CUL7: variants seen among roughly 807,000 people sequenced by gnomAD.
CUL7 encodes the protein cullin-7.
CUL7 carries 96 observed loss-of-function variants against 177.7 expected under a neutral mutation model. That is an observed-to-expected ratio of 0.54 (90% CI 0.46 to 0.64). CUL7 has a LOEUF of 0.64. Among genes scored for constraint, CUL7 ranks in the 30% least tolerant of loss-of-function variants. The probability of loss-of-function intolerance (pLI) is 0.00; values close to 1 mark genes in which losing one functional copy is unlikely to be tolerated. For missense variants in CUL7, 1,893 were observed against 2,187.9 expected, an observed-to-expected ratio of 0.87 and a Z score of 2.69; for synonymous variants, 824 against 890.2, an observed-to-expected ratio of 0.93 and a Z score of 1.32.
chr6:43,041,033 C>G lies in CUL7; in HGVS notation c.3688G>C (p.Gly1230Arg), dbSNP rs746377125. The G allele has an allele frequency of 6.2e-7, 1 of 1,614,018 alleles. No homozygotes were observed. The highest frequency in any genetic ancestry group is 8.5e-7 in the Non-Finnish European group (1 of 1,179,976). Residue 1230 changes from glycine (G) to arginine (R), a missense_variant, in exon 20 of 26, where the codon GGC becomes CGC. Gly to Arg is a moderately radical substitution (Grantham distance 125). Around this residue, in one of 5 missense-constraint regions of CUL7, gnomAD observed 973 missense variants for 1,140.9 expected, o/e 0.85. Transcript: ENST00000265348. ...TCCTGGGCTCCACCGATCCGGCTGC[C>G]CTGGATCTGCTGGTCAATGTGCCGG... ...FARHIDQQIQ[G>R]SRIGGAQEME...
Position 43,048,185 on chromosome 6 carries a change from C to T in CUL7, c.2132G>A (p.Cys711Tyr). 6.2e-7 allele frequency: 1 copy of T among 1,613,012 alleles called. No individual in the cohort carries two copies. Among genetic ancestry groups the T allele is most frequent in the Non-Finnish European group, 8.5e-7 (1 of 1,179,004 alleles). The change falls in exon 9 of 26, where the codon TGC (cysteine) becomes TAC (tyrosine). Residue 711 changes from cysteine to tyrosine, a missense_variant. Physicochemically the swap from Cys to Tyr is radical, Grantham distance 194. Transcript: ENST00000265348. The part of the protein sequence containing the change: ...LLPWHEAVDA[C>Y]MACLRSPNTD... The stretch of plus-strand genomic sequence containing the variant: ...GTTTGGGGACCGCAGGCAGGCCATG[C>T]AGGCATCCACGGCCTCGTGCCAGGG...
At position 43,052,800 on chromosome 6, in the gene CUL7, G is replaced by C; in HGVS notation, c.-8-4C>G. On this transcript the variant is annotated splice_polypyrimidine_tract_variant and splice_region_variant and intron_variant, in intron 1 of 25. Transcript: ENST00000265348. This position sits in a 1 kb window ranked among gnomAD's most constrained non-coding sequence, Gnocchi z 4.5. ...AGTTCTCCCACCATCCTGGCACCTG[G>C]AGCACACAAGGAAAAGAGAACAGAC... 6.2e-7 allele frequency: 1 copy of C among 1,601,448 alleles called. No individual in the cohort carries two copies. The highest frequency in any genetic ancestry group is 8.5e-7 in the Non-Finnish European group (1 of 1,179,728).
At position 43,053,057 on chromosome 6, in the gene CUL7, G is replaced by C. The variant is rs1308208281; in HGVS notation, c.-8-261C>G. ...CCTGTGGCCTGGAGTGGGTTGATAT[G>C]GAACAGTGGGCGGACTAGTGGGGGC... On this transcript the variant is annotated intron_variant, in intron 1 of 25. Transcript: ENST00000265348. This position sits in a 1 kb window ranked among gnomAD's most constrained non-coding sequence, Gnocchi z 4.1. 1.3e-5 allele frequency among the ~76,000 whole-genome samples: 2 copies of C among 152,124 alleles called. No homozygotes were observed. Among genetic ancestry groups the C allele is most frequent in the East Asian group, 3.9e-4 (2 of 5,192 alleles).
Position 43,045,082 on chromosome 6 carries a change from C to T in CUL7, c.3038+145G>A. The T allele has an allele frequency of 7.5e-7, 1 of 1,326,886 alleles. No homozygotes were observed. The highest frequency in any genetic ancestry group is 1.0e-6 in the Non-Finnish European group (1 of 955,590). 82.2% of individuals were successfully genotyped at this position (1,326,886 alleles called of 1,614,324 possible). On this transcript the variant is annotated intron_variant, in intron 15 of 25. Transcript: ENST00000265348. The surrounding 1 kb of genome is among the most constrained non-coding windows in gnomAD (Gnocchi z 4.8). The stretch of plus-strand genomic sequence containing the variant: ...ATCTTTTCTCTTTATCCTTTCTTCC[C>T]CTCCCACAGCTCAGAAAACTCCAGC...
Position 43,050,524 on chromosome 6 carries a change from TAAC to T in CUL7, c.1234-129_1234-127del, listed in dbSNP as rs1764301681. Reference sequence around the variant, plus strand: ...GCCAGGTTTTAGAAAAACCTCCACATAACAAAACAGCAGCATATGGAGAATACA... The same window carrying T: ...GCCAGGTTTTAGAAAAACCTCCACATAAAACAGCAGCATATGGAGAATACA... On this transcript the variant is annotated intron_variant, in intron 4 of 25. Transcript: ENST00000265348. This position sits in a 1 kb window ranked among gnomAD's most constrained non-coding sequence, Gnocchi z 4.1. The T allele has an allele frequency of 2.6e-6, 2 of 764,308 alleles. No homozygotes were observed. Among genetic ancestry groups the T allele is most frequent in the Non-Finnish European group, 4.3e-6 (2 of 463,002 alleles). The allele number at this position is 764,308 out of a possible 1,614,324, so 47.3% of individuals were successfully genotyped here.
chr6:43,049,933 A>G (rs1764257455), intron 6 of CUL7, 30 bp downstream of exon 6: 1 of 1,603,680 alleles, frequency 6.2e-7, no homozygotes, highest in Non-Finnish European at 8.5e-7. Context: ...AGAGCCCTCC[A>G]ACCTCTGAGT....
chr6:43,046,726 G>A, intron 10 of CUL7, 125 bp from the exon 11 acceptor site: 1 of 1,441,930 alleles, frequency 6.9e-7, no homozygotes, highest in Non-Finnish European at 9.6e-7. Context: ...AGCAGAGCAG[G>A]CCCAGATGGG....
Position 43,037,755 on chromosome 6 carries a change from TGTAGG to T in CUL7, c.5025_5029del (p.Leu1676AspfsTer?). The T allele has an allele frequency of 6.3e-7, 1 of 1,583,196 alleles. No individual in the cohort carries two copies. Among genetic ancestry groups the T allele is most frequent in the Admixed American group, 1.8e-5 (1 of 54,504 alleles). ...ATAGGGCACACCCCGGGAGCGAATC[TGTAGG>T]GTATGGAAGGTGAGGGGTGGGTTGG... is the stretch of plus-strand genomic sequence containing the variant. On this transcript the variant is annotated frameshift_variant, in exon 26 of 26. Coordinates refer to ENST00000265348, the MANE Select transcript of CUL7 (RefSeq NM_014780.5). LOFTEE classifies it high-confidence loss of function.
chr6:43,046,190 C>G, intron 12 of CUL7, 46 bp downstream of exon 12: 1 of 1,613,998 alleles, frequency 6.2e-7, no homozygotes, highest in Non-Finnish European at 8.5e-7. Flanking sequence ...AGGGGCGTCA[C>G]AGGAAAGCAC....
chr6:43,041,625 A>G (rs1763419022), intron 19 of CUL7, among the ~76,000 whole-genome samples: 1 of 150,472 alleles, frequency 6.6e-6, no homozygotes, highest in African/African-American at 2.5e-5. Context: ...AAGAGAAAGA[A>G]AGGGAGAGAA....
In CUL7 at chr6:43,042,891, G is replaced by T. The variant is rs368840386; in HGVS notation, c.3556C>A (p.Leu1186Met). The T allele has an allele frequency of 4.3e-6, 7 of 1,613,992 alleles. No homozygotes were observed. The highest frequency in any genetic ancestry group is 2.2e-5 in the East Asian group (1 of 44,884). The stretch of plus-strand genomic sequence containing the variant: ...AAGAAGGCTGCCCGAGGCCCAAACA[G>T]TTCAGAGCTTGAGTTCTGCAGAATA... ...FNILQNSSSE[L>M]FGPRAAFLLA... Residue 1186 changes from leucine (L) to methionine (M), a missense_variant, in exon 19 of 26, where the codon CTG becomes ATG. By Grantham distance (15) the Leu-to-Met change is conservative. Transcript: ENST00000265348.
At position 43,051,800 on chromosome 6, in the gene CUL7, T is replaced by A; in HGVS notation, c.581-37A>T. 1 of 1,611,590 alleles carries A rather than the reference T, an allele frequency of 6.2e-7. No individual in the cohort carries two copies. The highest frequency in any genetic ancestry group is 8.5e-7 in the Non-Finnish European group (1 of 1,177,926). Reference sequence around the variant, plus strand: ...ACCCCAGTTGGTAACTTCTCCCTAATCTCACCCTTCCTAGAAATCTTAGAC... The same window carrying A: ...ACCCCAGTTGGTAACTTCTCCCTAAACTCACCCTTCCTAGAAATCTTAGAC... On this transcript the variant is annotated intron_variant, in intron 2 of 25. Transcript: ENST00000265348. This position sits in a 1 kb window ranked among gnomAD's most constrained non-coding sequence, Gnocchi z 5.0.
rs771925247 is a variant in CUL7, at chr6:43,048,156, C to G, written c.2161G>C (p.Asp721His). The change falls in exon 9 of 26, where the codon GAT becomes CAT. Residue 721 changes from aspartate to histidine, a missense_variant. By Grantham distance (81) the Asp-to-His change is moderately conservative. Coordinates refer to ENST00000265348, the MANE Select transcript of CUL7 (RefSeq NM_014780.5). Reference protein sequence around the residue: ...CMACLRSPNTDREVLQELIFF... With the variant: ...CMACLRSPNTHREVLQELIFF... ...GAGCAGGGCAGGGGTACCTCTCGAT[C>G]AGTGTTTGGGGACCGCAGGCAGGCC... is the stretch of plus-strand genomic sequence containing the variant. 6.2e-7 allele frequency: 1 copy of G among 1,610,850 alleles called. No individual in the cohort carries two copies. Among genetic ancestry groups the G allele is most frequent in the East Asian group, 2.2e-5 (1 of 44,866 alleles).
At position 43,051,655 on chromosome 6, in the gene CUL7, A is replaced by G; in HGVS notation, c.689T>C (p.Leu230Pro). ...ALLALFAQAT[L>P]SEHPMSFEGI... The stretch of plus-strand genomic sequence containing the variant: ...CTCGAAAGACATGGGGTGTTCAGAG[A>G]GCGTGGCCTGTGCAAACAGTGCTAG... The change falls in exon 3 of 26, where the codon CTC becomes CCC. Residue 230 changes from leucine to proline, a missense_variant. Physicochemically the swap from Leu to Pro is moderately conservative, Grantham distance 98. Transcript: ENST00000265348. This position sits in a 1 kb window ranked among gnomAD's most constrained non-coding sequence, Gnocchi z 5.0. 6.2e-7 allele frequency: 1 copy of G among 1,614,112 alleles called. No homozygotes were observed.
chr6:43,042,337 G>GTTTT lies in CUL7; in HGVS notation c.3645+461_3645+464dup, dbSNP rs990850609. 1.8e-3 allele frequency among the ~76,000 whole-genome samples: 273 copies of GTTTT among 151,578 alleles called. 3 individuals are homozygous for GTTTT. Among genetic ancestry groups the GTTTT allele is most frequent in the African/African-American group, 6.2e-3 (258 of 41,310 alleles). ...CTCATCAATTGTGGGGGGTTTTTTT[G>GTTTT]TTTTTTTCTTTTTTTTGAGATGAGT... On this transcript the variant is annotated intron_variant, in intron 19 of 25. Coordinates refer to ENST00000265348, the MANE Select transcript of CUL7 (RefSeq NM_014780.5).
In CUL7 at chr6:43,053,843, A is replaced by T; in HGVS notation, c.-230T>A. The T allele has an allele frequency of 6.5e-7, 1 of 1,532,936 alleles. No homozygotes were observed. The allele number at this position is 1,532,936 out of a possible 1,614,324, so 95.0% of individuals were successfully genotyped here. On this transcript the variant is annotated 5_prime_UTR_variant, in exon 1 of 26. Coordinates refer to ENST00000265348, the MANE Select transcript of CUL7 (RefSeq NM_014780.5). This position sits in a 1 kb window ranked among gnomAD's most constrained non-coding sequence, Gnocchi z 4.1. The stretch of plus-strand genomic sequence containing the variant: ...GTCCCTGCCAGCGGCTCCGCCAGCC[A>T]AAAGCCACGGCTCATTTCCGCCCGA...
Position 43,040,781 on chromosome 6 carries a change from T to C in CUL7, c.3807-35A>G, listed in dbSNP as rs1057508262. The C allele has an allele frequency of 6.2e-7, 1 of 1,609,302 alleles. No individual in the cohort carries two copies. The highest frequency in any genetic ancestry group is 8.5e-7 in the Non-Finnish European group (1 of 1,175,860). On this transcript the variant is annotated intron_variant, in intron 20 of 25. Transcript: ENST00000265348. This position sits in a 1 kb window ranked among gnomAD's most constrained non-coding sequence, Gnocchi z 4.2. Reference sequence around the variant, plus strand: ...ATGCAGCCCGGGCCAAGCCTCAGTGTGGGCACCAGTGTGGCCCAGCCTCCC... The same window carrying C: ...ATGCAGCCCGGGCCAAGCCTCAGTGCGGGCACCAGTGTGGCCCAGCCTCCC...
In CUL7 at chr6:43,051,134, C is replaced by T. The variant is rs146227929; in HGVS notation, c.1067G>A (p.Arg356His). Residue 356 changes from arginine (R) to histidine (H), a missense_variant, in exon 4 of 26, where the codon CGT (arginine) becomes CAT (histidine). Around this residue, in one of 5 missense-constraint regions of CUL7, gnomAD observed 653 missense variants for 725.2 expected, o/e 0.90. Transcript: ENST00000265348. The surrounding 1 kb of genome is among the most constrained non-coding windows in gnomAD (Gnocchi z 5.0). ...TGCGAACTCAGAACGAGGGCGAAAA[C>T]GTCTTGACCTCCTGAAGGAGGGCTG... ...QAQPSFRRSR[R>H]FRPRSEFASG... The T allele has an allele frequency of 1.9e-4, 312 of 1,614,212 alleles. No individual in the cohort carries two copies. In the African/African-American group the frequency reaches 3.5e-3, roughly 18 times the overall value.
Position 43,043,611 on chromosome 6 carries a change from G to A in CUL7, c.3192C>T (p.Pro1064=). Residue 1064 remains proline, a synonymous_variant, in exon 17 of 26, where the codon CCC becomes CCT. Transcript: ENST00000265348. This position sits in a 1 kb window ranked among gnomAD's most constrained non-coding sequence, Gnocchi z 4.2. Reference sequence around the variant, plus strand: ...GGTACTGGTCCAGCAGCCAACCCAGGGGGCTAATGCCATCCTCATCTAGAG... The same window carrying A: ...GGTACTGGTCCAGCAGCCAACCCAGAGGGCTAATGCCATCCTCATCTAGAG... ...ITSPDEDGIS[P]LGWLLDQYLE... is the part of the protein sequence containing the mutation. The A allele has an allele frequency of 6.2e-7, 1 of 1,609,632 alleles. No homozygotes were observed.
Sources: allele counts gnomAD v4.1 joint callset (sites outside exome capture counted in the v4.1 genomes callset), GRCh38; gene constraint gnomAD v4.1.1; regional missense constraint gnomAD v4.1.1; non-coding constraint Gnocchi (gnomAD v3.1); transcripts MANE v1.5; gene names NCBI Gene and HGNC (gene_info 2026-07-23, HGNC 2026-07-21).